Variants in HSPG2 observed in about 807,000 individuals in gnomAD.
HSPG2 encodes the protein basement membrane-specific heparan sulfate proteoglycan core protein.
A neutral mutation model predicts 526.6 loss-of-function variants in HSPG2; 278 were observed. The observed-to-expected ratio is 0.53, with a 90% CI of 0.48 to 0.58. HSPG2 has a LOEUF of 0.58. HSPG2 is among the 20% of genes least tolerant of loss of function. The probability of loss-of-function intolerance (pLI) is 0.00; values close to 1 mark genes in which losing one functional copy is unlikely to be tolerated. For synonymous variants in HSPG2, 2,465 were observed against 2,555.4 expected (o/e 0.96, Z 1.07); for missense variants, 5,354 against 6,099.5 (o/e 0.88, Z 4.07).
rs1557786686 is a variant in HSPG2, at chr1:21,887,132, G to A, written c.1078+83C>T. On this transcript the variant is annotated intron_variant, in intron 9 of 96. Transcript: ENST00000374695. The surrounding 1 kb of genome is among the most constrained non-coding windows in gnomAD (Gnocchi z 5.0). ...GGGGAAAGCGGAGGGGCAGGGTAGG[G>A]GCGGGGCAGGAGTGGAAGGCGGGGC... 2 of 1,488,658 alleles carry A rather than the reference G, an allele frequency of 1.3e-6. No individual in the cohort carries two copies. Among genetic ancestry groups the A allele is most frequent in the Non-Finnish European group, 1.8e-6 (2 of 1,089,812 alleles). The allele number at this position is 1,488,658 out of a possible 1,614,324, so 92.2% of individuals were successfully genotyped here.
chr1:21,864,756 G>T lies in HSPG2; in HGVS notation c.4626+87C>A. 1 of 1,081,900 alleles carries T rather than the reference G, an allele frequency of 9.2e-7. No homozygotes were observed. The highest frequency in any genetic ancestry group is 1.6e-5 in the African/African-American group (1 of 64,378). The allele number at this position is 1,081,900 out of a possible 1,614,324, so 67.0% of individuals were successfully genotyped here. A position where few individuals can be genotyped will look rare whatever the true frequency, so the allele number is the denominator to read the frequency against. On this transcript the variant is annotated intron_variant, in intron 36 of 96. Transcript: ENST00000374695. This position sits in a 1 kb window ranked among gnomAD's most constrained non-coding sequence, Gnocchi z 4.8. Reference sequence around the variant, plus strand: ...TGCAGGGGTCATTATAGTTATGATGGTAATCAAGGCTGCGGCGACGCCGGC... The same window carrying T: ...TGCAGGGGTCATTATAGTTATGATGTTAATCAAGGCTGCGGCGACGCCGGC...
intron 1 of HSPG2, among the ~76,000 whole-genome samples, chr1:21,897,097 T>A (rs1642807360): frequency 6.6e-6 from 1 of 152,172 alleles, no homozygotes; most frequent in Non-Finnish European, 1.5e-5. Flanking sequence ...ACCTGCCTTC[T>A]CAGGTGTGGG....
intron 33 of HSPG2, among the ~76,000 whole-genome samples, chr1:21,870,567 G>T (rs1022439442): frequency 2.6e-5 from 4 of 152,236 alleles, no homozygotes; most frequent in Admixed American, 1.3e-4. Flanking sequence ...ACAGTCATGT[G>T]GATTAGCATC....
chr1:21,888,826 A>G (rs1215903886), intron 6 of HSPG2: 5 of 728,998 alleles, frequency 6.9e-6, no homozygotes, highest in Non-Finnish European at 9.9e-6. Flanking sequence ...CTTATTGAAA[A>G]GTGAGAGAGG....
chr1:21,932,956 C>A (rs532054001), intron 1 of HSPG2, among the ~76,000 whole-genome samples: 1 of 152,088 alleles, frequency 6.6e-6, no homozygotes, highest in South Asian at 2.1e-4. Context: ...CAGTGGCTCA[C>A]GCCTATAATC....
chr1:21,910,118 C>A (rs1354419274), intron 1 of HSPG2, among the ~76,000 whole-genome samples: 1 of 152,270 alleles, frequency 6.6e-6, no homozygotes, highest in Non-Finnish European at 1.5e-5. Flanking sequence ...CCAGAATCAG[C>A]CCCCTCAGGA....
chr1:21,864,953 T>G lies in HSPG2; in HGVS notation c.4516A>C (p.Ile1506Leu). ...TFSSVPLAAS[I>L]SAVSLEVAQP... ...GCGACCTCCAGGCTGACTGCGCTGATGCTGGCCGCCAGCGGCACGGAGGAG... is the reference window on the plus strand; with the variant it reads ...GCGACCTCCAGGCTGACTGCGCTGAGGCTGGCCGCCAGCGGCACGGAGGAG... Residue 1506 changes from isoleucine to leucine, a missense_variant, in exon 36 of 97, where the codon ATC (isoleucine) becomes CTC (leucine). By Grantham distance (5) the Ile-to-Leu change is conservative. Transcript: ENST00000374695. The surrounding 1 kb of genome is among the most constrained non-coding windows in gnomAD (Gnocchi z 4.8). 2 of 1,604,522 alleles carry G rather than the reference T, an allele frequency of 1.2e-6. No homozygotes were observed. The highest frequency in any genetic ancestry group is 8.5e-7 in the Non-Finnish European group (1 of 1,177,136).
Position 21,831,004 on chromosome 1 carries a change from C to T in HSPG2, c.11649G>A (p.Ser3883=), listed in dbSNP as rs367617288. The T allele has an allele frequency of 4.2e-5, 66 of 1,585,436 alleles. No individual in the cohort carries two copies. The highest frequency in any genetic ancestry group is 3.5e-4 in the South Asian group (31 of 87,790). The change falls in exon 85 of 97, where the codon TCG becomes TCA. Residue 3883 remains serine (S), a synonymous_variant. Transcript: ENST00000374695. ...TACCTGGATGGCAGTGCAGGGCCTG[C>T]GAGTGCTCACAGCGGCTCCCGGTGA... The part of the protein sequence containing the change: ...AGFTGSRCEH[S]QALHCHPEAC...
chr1:21,922,345 C>A (rs1310059274), intron 1 of HSPG2, among the ~76,000 whole-genome samples: 1 of 152,180 alleles, frequency 6.6e-6, no homozygotes, highest in African/African-American at 2.4e-5. Context: ...CAGAATGAAA[C>A]GGTGCGGAAT....
At chr1:21,842,431 G>A in intron 67 of HSPG2, 51 bp from the exon 68 acceptor site, 7 of 1,526,966 alleles carry the variant, frequency 4.6e-6, no homozygotes, top group Non-Finnish European at 6.2e-6. Context: ...CCAGGACAAG[G>A]AATGTCCCCA....
intron 1 of HSPG2, among the ~76,000 whole-genome samples, chr1:21,920,769 C>T (rs961321746): frequency 6.6e-5 from 10 of 152,158 alleles, no homozygotes; most frequent in Non-Finnish European, 1.0e-4. Context: ...CTCCCTCCTC[C>T]CCCACTCCTG....
intron 1 of HSPG2, among the ~76,000 whole-genome samples, chr1:21,936,677 A>G (rs1162013775): frequency 6.6e-6 from 1 of 152,142 alleles, no homozygotes; most frequent in Non-Finnish European, 1.5e-5. Context: ...GCTTGTGCCT[A>G]CCTGGGTCCA....
rs1431211283 is a variant in HSPG2 at position 21,851,552 on chromosome 1, C to G, written c.7152G>C (p.Arg2384=). ...WHKRGGSLPV[R]HQTHGSLLRL... Reference sequence around the variant, plus strand: ...CTGTCCTCCAGTCCCATACCTGGTGCCGGACAGGGAGGCTGCCCCCACGCT... The same window carrying G: ...CTGTCCTCCAGTCCCATACCTGGTGGCGGACAGGGAGGCTGCCCCCACGCT... Residue 2384 remains arginine, a synonymous_variant, in exon 55 of 97, where the codon CGG becomes CGC. Coordinates refer to ENST00000374695, the MANE Select transcript of HSPG2 (RefSeq NM_005529.7). The G allele has an allele frequency of 6.2e-7, 1 of 1,613,788 alleles. No individual in the cohort carries two copies. The highest frequency in any genetic ancestry group is 1.3e-5 in the African/African-American group (1 of 74,938).
chr1:21,833,726 A>C, intron 78 of HSPG2, 90 bp downstream of exon 78: 1 of 1,552,648 alleles, frequency 6.4e-7, no homozygotes, highest in Non-Finnish European at 8.8e-7. Context: ...CTCTTGGCCA[A>C]GCCTGTGCCA....
Position 21,831,202 on chromosome 1 carries a change from G to T in HSPG2, c.11562+13C>A. The T allele has an allele frequency of 6.2e-7, 1 of 1,609,866 alleles. No individual in the cohort carries two copies. Among genetic ancestry groups the T allele is most frequent in the Non-Finnish European group, 8.5e-7 (1 of 1,176,274 alleles). On this transcript the variant is annotated intron_variant, in intron 84 of 96. Transcript: ENST00000374695. ...GCCACGGCAGCCAGGTGGTGTGTGG[G>T]GTGTGGGGTCACCTGGCAGGGCCGG...
chr1:21,851,547 T>C lies in HSPG2; in HGVS notation c.7157A>G (p.Gln2386Arg), dbSNP rs556129026. The C allele has an allele frequency of 6.2e-7, 1 of 1,613,902 alleles. No individual in the cohort carries two copies. The highest frequency in any genetic ancestry group is 1.3e-5 in the African/African-American group (1 of 75,066). Residue 2386 changes from glutamine to arginine, a missense_variant and splice_region_variant, in exon 55 of 97, where the codon CAG becomes CGG. By Grantham distance (43) the Gln-to-Arg change is conservative. Transcript: ENST00000374695. Reference protein sequence around the residue: ...KRGGSLPVRHQTHGSLLRLYQ... With the variant: ...KRGGSLPVRHRTHGSLLRLYQ... ...CCTGTCTGTCCTCCAGTCCCATACC[T>C]GGTGCCGGACAGGGAGGCTGCCCCC...
chr1:21,838,201 G>T (rs1359985196), intron 74 of HSPG2, among the ~76,000 whole-genome samples: 6 of 151,768 alleles, frequency 4.0e-5, no homozygotes, highest in Non-Finnish European at 8.8e-5. Flanking sequence ...CTTGGCCAAG[G>T]TTGCACAGCC....
rs764874459 is a variant in HSPG2 at position 21,890,528 on chromosome 1, C to A, written c.355-43G>T. The A allele has an allele frequency of 7.4e-6, 12 of 1,611,106 alleles. No individual in the cohort carries two copies. Among genetic ancestry groups the A allele is most frequent in the Non-Finnish European group, 1.0e-5 (12 of 1,177,484 alleles). ...GCCATCAGCCCCAGAGGCCTTCACC[C>A]CATCCTCGGTCCTGCCCCGCCACAC... On this transcript the variant is annotated intron_variant, in intron 4 of 96. Transcript: ENST00000374695. This position sits in a 1 kb window ranked among gnomAD's most constrained non-coding sequence, Gnocchi z 4.1.
Position 21,864,972 on chromosome 1 carries a change from G to A in HSPG2, c.4497C>T (p.Ser1499=), listed in dbSNP as rs557975423. The change falls in exon 36 of 97, where the codon TCC becomes TCT. Residue 1499 remains serine (S), a synonymous_variant. Transcript: ENST00000374695. This position sits in a 1 kb window ranked among gnomAD's most constrained non-coding sequence, Gnocchi z 4.8. ...DELLIRATFS[S]VPLAASISAV... Reference sequence around the variant, plus strand: ...CGCTGATGCTGGCCGCCAGCGGCACGGAGGAGAACGTGGCCCGGATCAGGA... The same window carrying A: ...CGCTGATGCTGGCCGCCAGCGGCACAGAGGAGAACGTGGCCCGGATCAGGA... 4.7e-5 allele frequency: 75 copies of A among 1,593,924 alleles called. No individual in the cohort carries two copies. The East Asian group carries it at 1.2e-3, about 26-fold the overall frequency.
Sources: allele counts gnomAD v4.1 joint callset (sites outside exome capture counted in the v4.1 genomes callset), GRCh38; gene constraint gnomAD v4.1.1; non-coding constraint Gnocchi (gnomAD v3.1); transcripts MANE v1.5; gene names NCBI Gene and HGNC (gene_info 2026-07-23, HGNC 2026-07-21).